KCNIP4: variants seen among roughly 807,000 people sequenced by gnomAD.
The protein encoded by KCNIP4 is Kv channel-interacting protein 4.
A neutral mutation model predicts 34.0 loss-of-function variants in KCNIP4; 12 were observed. That is an observed-to-expected ratio of 0.35 (90% CI 0.23 to 0.57). The LOEUF (loss-of-function observed/expected upper bound fraction) is 0.57. KCNIP4 is among the 20% of genes least tolerant of loss of function. The pLI, the probability that KCNIP4 is intolerant of heterozygous loss-of-function variation, is 0.83. For missense variants in KCNIP4, 238 were observed against 311.7 expected (o/e 0.76, Z 1.78); for synonymous variants, 124 against 102.2 (o/e 1.21, Z -1.29).
At chr4:21,697,616 A>G in intron 1 of KCNIP4, 2 of 1,348,686 alleles carry the variant, frequency 1.5e-6, no homozygotes, top group Non-Finnish European at 9.4e-7. Context: ...TTAAAATGCT[A>G]GAGAAGCCAG....
chr4:21,773,505 T>A (rs1718944635), intron 1 of KCNIP4, among the ~76,000 whole-genome samples: 1 of 152,196 alleles, frequency 6.6e-6, no homozygotes, highest in Admixed American at 6.6e-5. Flanking sequence ...TGTCTAATGC[T>A]GACAGTGGGG....
intron 1 of KCNIP4, among the ~76,000 whole-genome samples, chr4:21,189,749 A>G (rs1488591211): frequency 6.6e-6 from 1 of 152,242 alleles, no homozygotes; most frequent in Non-Finnish European, 1.5e-5. Flanking sequence ...TAGAAATTAC[A>G]TTTTAGTAAT....
intron 3 of KCNIP4, among the ~76,000 whole-genome samples, chr4:20,818,171 A>G (rs1188576510): frequency 2.6e-5 from 4 of 152,194 alleles, no homozygotes; most frequent in Non-Finnish European, 4.4e-5. Flanking sequence ...GAGATAGGAA[A>G]TTTGAGGTTC....
At chr4:20,905,509 C>CT (rs10686415) in intron 1 of KCNIP4, among the ~76,000 whole-genome samples, 7,986 of 72,910 alleles carry the variant, frequency 0.11, 650 homozygotes, top group South Asian at 0.28. Context: ...CGTTTTCTTT[C>CT]TTTTTTTTTT....
At chr4:20,979,450 G>C (rs1490814702) in intron 1 of KCNIP4, among the ~76,000 whole-genome samples, 1 of 149,114 alleles carries the variant, frequency 6.7e-6, no homozygotes, top group Non-Finnish European at 1.5e-5. Context: ...CCAGGCTGGA[G>C]TGCAGTGGCG....
At chr4:20,755,384 T>C (rs1754313359) in intron 4 of KCNIP4, among the ~76,000 whole-genome samples, 1 of 152,246 alleles carries the variant, frequency 6.6e-6, no homozygotes, top group African/African-American at 2.4e-5. Flanking sequence ...TGTACACTTT[T>C]CAAAGAGCCT....
At chr4:21,509,686 A>G (rs533989201) in intron 1 of KCNIP4, among the ~76,000 whole-genome samples, 1 of 152,274 alleles carries the variant, frequency 6.6e-6, no homozygotes, top group East Asian at 1.9e-4. Flanking sequence ...CCCTATCTTT[A>G]GCTCCTAAGA....
intron 1 of KCNIP4, among the ~76,000 whole-genome samples, chr4:21,570,744 T>TTCATCATTATCATTG (rs1206285689): frequency 6.6e-6 from 1 of 152,162 alleles, no homozygotes; most frequent in Non-Finnish European, 1.5e-5. Flanking sequence ...TTTTATCATT[T>TTCATCATTATCATTG]TCATCATTAT....
chr4:21,941,712 T>C (rs944558196), intron 1 of KCNIP4, among the ~76,000 whole-genome samples: 1 of 152,124 alleles, frequency 6.6e-6, no homozygotes, highest in Non-Finnish European at 1.5e-5. Context: ...GTCAATAACA[T>C]ATCCAAAGGG....
At chr4:21,306,402 G>A (rs1712470375) in intron 1 of KCNIP4, among the ~76,000 whole-genome samples, 1 of 152,096 alleles carries the variant, frequency 6.6e-6, no homozygotes, top group Admixed American at 6.6e-5. Context: ...AGAGAGACAG[G>A]GTTTTGCTCT....
At chr4:20,764,905 T>A (rs1755264381) in intron 3 of KCNIP4, among the ~76,000 whole-genome samples, 1 of 152,090 alleles carries the variant, frequency 6.6e-6, no homozygotes. Context: ...TTATTGAGGA[T>A]AAAATAAACA....
chr4:20,947,583 ACATGAAT>A, intron 1 of KCNIP4, among the ~76,000 whole-genome samples: 1 of 152,208 alleles, frequency 6.6e-6, no homozygotes, highest in Non-Finnish European at 1.5e-5. Context: ...AGCCTACTTT[ACATGAAT>A]TTTTAATATG....
intron 4 of KCNIP4, 74 bp from the exon 5 acceptor site, chr4:20,749,806 G>GT: frequency 1.1e-6 from 1 of 947,934 alleles, no homozygotes; most frequent in Non-Finnish European, 1.6e-6. Context: ...AGCAGTCCAA[G>GT]CTTCCTTTGA....
At chr4:21,295,992 C>T (rs912576865) in intron 1 of KCNIP4, among the ~76,000 whole-genome samples, 9 of 152,102 alleles carry the variant, frequency 5.9e-5, no homozygotes, top group East Asian at 1.9e-4. Context: ...GTAGCATTTA[C>T]GGTTTGTATC....
intron 1 of KCNIP4, chr4:21,762,831 A>C: frequency 1.4e-6 from 1 of 736,660 alleles, no homozygotes; most frequent in Non-Finnish European, 1.9e-6. Flanking sequence ...CACATGAAGA[A>C]TGTGTATATA....
chr4:21,003,931 A>G (rs963107653), intron 1 of KCNIP4, among the ~76,000 whole-genome samples: 4 of 152,186 alleles, frequency 2.6e-5, no homozygotes, highest in Non-Finnish European at 4.4e-5. Context: ...CCATATTACT[A>G]AAAAATGAAA....
At chr4:21,040,280 G>C (rs529190035) in intron 1 of KCNIP4, among the ~76,000 whole-genome samples, 3 of 152,254 alleles carry the variant, frequency 2.0e-5, no homozygotes, top group African/African-American at 7.2e-5. Context: ...TTTTGAAACT[G>C]AAGCTAAAAT....
intron 1 of KCNIP4, among the ~76,000 whole-genome samples, chr4:21,934,833 A>C (rs1372041142): frequency 6.6e-6 from 1 of 152,116 alleles, no homozygotes; most frequent in Non-Finnish European, 1.5e-5. Flanking sequence ...CAAGTTGCTT[A>C]ACCCCTTTGA....
chr4:21,503,616 T>G (rs1733544406), intron 1 of KCNIP4, among the ~76,000 whole-genome samples: 1 of 152,200 alleles, frequency 6.6e-6, no homozygotes, highest in Admixed American at 6.5e-5. Flanking sequence ...CCAAAGGTAG[T>G]CAGTGGCTGA....
Sources: gnomAD v4.1 joint callset for allele counts (sites outside exome capture counted in the v4.1 genomes callset) on GRCh38, gnomAD v4.1.1 for gene constraint, MANE v1.5 for transcripts, NCBI Gene and HGNC (gene_info 2026-07-23, HGNC 2026-07-21) for gene names.